The following PDE4D variants were observed in gnomAD, a reference collection of about 807,000 sequenced individuals.
The protein encoded by PDE4D is 3',5'-cyclic-AMP phosphodiesterase 4D.
A neutral mutation model predicts 87.4 loss-of-function variants in PDE4D; 24 were observed. That is an observed-to-expected ratio of 0.27 (90% CI 0.20 to 0.39). PDE4D has a LOEUF of 0.39. PDE4D is among the 10% of genes least tolerant of loss of function. The pLI is 1.00. For synonymous variants in PDE4D, 384 were observed against 383.2 expected (o/e 1.00, Z -0.02); for missense variants, 714 against 1,041.0 (o/e 0.69, Z 4.32).
chr5:60,306,259 C>A (rs1207651251), intron 1 of PDE4D, among the ~76,000 whole-genome samples: 1 of 151,864 alleles, frequency 6.6e-6, no homozygotes, highest in Non-Finnish European at 1.5e-5. Flanking sequence ...ATTGTAATTA[C>A]AAACTATTTT....
rs189682711 is a variant in PDE4D, at chr5:59,945,919, A to G, written c.272+42569T>C. 4.2e-3 allele frequency among the ~76,000 whole-genome samples: 639 copies of G among 152,254 alleles called. 4 individuals are homozygous for G. Among genetic ancestry groups the G allele is most frequent in the Non-Finnish European group, 6.6e-3 (452 of 68,006 alleles). ...ATTTGCTCCTGTTGATTTTAGGGCA[A>G]TTGTGTAGCTCTAACAGCCCCTGAG... On this transcript the variant is annotated intron_variant, in intron 3 of 16. Coordinates refer to the PDE4D transcript ENST00000502484.
chr5:59,181,833 CT>C (rs1212374253), intron 4 of PDE4D, among the ~76,000 whole-genome samples: 1 of 152,130 alleles, frequency 6.6e-6, no homozygotes, highest in East Asian at 1.9e-4. Flanking sequence ...CTATGCTCTG[CT>C]TTGCTGCCTT....
chr5:59,034,276 T>G (rs1188767741), intron 6 of PDE4D, among the ~76,000 whole-genome samples: 1 of 152,190 alleles, frequency 6.6e-6, no homozygotes, highest in African/African-American at 2.4e-5. Context: ...CTTTTGAAAT[T>G]TAAAGTTTGT....
chr5:60,001,137 C>T (rs886720632), intron 2 of PDE4D, among the ~76,000 whole-genome samples: 9 of 152,126 alleles, frequency 5.9e-5, no homozygotes, highest in African/African-American at 1.2e-4. Flanking sequence ...GTTCTCCCTA[C>T]CCATAGACAT....
chr5:59,487,045 T>C (rs999656970), intron 1 of PDE4D, among the ~76,000 whole-genome samples: 3 of 152,154 alleles, frequency 2.0e-5, no homozygotes, highest in Non-Finnish European at 2.9e-5. Flanking sequence ...TAGAAGATAA[T>C]AGGAATCATA....
At chr5:59,907,255 C>T (rs1342001068) in intron 3 of PDE4D, among the ~76,000 whole-genome samples, 1 of 152,108 alleles carries the variant, frequency 6.6e-6, no homozygotes, top group African/African-American at 2.4e-5. Flanking sequence ...ATTTGCATTT[C>T]TCTAATGATC....
intron 3 of PDE4D, among the ~76,000 whole-genome samples, chr5:59,940,703 C>G (rs532132098): frequency 1.3e-5 from 2 of 152,174 alleles, no homozygotes; most frequent in East Asian, 3.9e-4. Context: ...ATACACAGGT[C>G]CGGAGCTCAG....
At chr5:59,430,618 G>C (rs1795970791) in intron 1 of PDE4D, 1 of 369,336 alleles carries the variant, frequency 2.7e-6, no homozygotes, top group African/African-American at 2.1e-5. Context: ...TCTGTTCATG[G>C]ATACAAGAAG....
intron 1 of PDE4D, among the ~76,000 whole-genome samples, chr5:60,204,027 T>C (rs1299259343): frequency 6.6e-6 from 1 of 152,220 alleles, no homozygotes; most frequent in African/African-American, 2.4e-5. Flanking sequence ...CAAAGTTTCA[T>C]TGATTGAATT....
chr5:59,037,753 TAA>T (rs1388236236), intron 6 of PDE4D, among the ~76,000 whole-genome samples: 2 of 151,868 alleles, frequency 1.3e-5, no homozygotes, highest in East Asian at 3.9e-4. Flanking sequence ...TGTTAATAGA[TAA>T]GACAATCAAG....
At chr5:59,516,813 ACCACT>A (rs1288542385) in intron 1 of PDE4D, among the ~76,000 whole-genome samples, 1 of 152,178 alleles carries the variant, frequency 6.6e-6, no homozygotes, top group Non-Finnish European at 1.5e-5. Flanking sequence ...GTATCATGTT[ACCACT>A]AGATTGACAA....
At chr5:59,291,411 C>T (rs1767978062) in intron 1 of PDE4D, among the ~76,000 whole-genome samples, 1 of 151,812 alleles carries the variant, frequency 6.6e-6, no homozygotes, top group African/African-American at 2.4e-5. Context: ...GAGCAGAAGA[C>T]AGTTTCCGGA....
intron 2 of PDE4D, among the ~76,000 whole-genome samples, chr5:60,052,723 C>G (rs1445649360): frequency 6.6e-6 from 1 of 152,150 alleles, no homozygotes; most frequent in African/African-American, 2.4e-5. Flanking sequence ...AAAGGATATT[C>G]AGATAGAAAG....
intron 5 of PDE4D, among the ~76,000 whole-genome samples, chr5:59,094,339 C>T (rs1454661828): frequency 6.8e-6 from 1 of 147,114 alleles, no homozygotes; most frequent in Non-Finnish European, 1.5e-5. Flanking sequence ...GTGAACAAAT[C>T]TTCTAGAAGA....
rs111603401 is a variant in PDE4D, at chr5:60,216,852, T to C, written c.-89-31165A>G. On this transcript the variant is annotated intron_variant, in intron 1 of 16. Coordinates refer to the PDE4D transcript ENST00000502484. ...GTTCTATAATAATAGTTGGATACTT[T>C]AATACTCTGCTTTCATTAATGGATA... Among the ~76,000 whole-genome samples, 228 of 152,196 alleles carry C rather than the reference T, an allele frequency of 1.5e-3. 2 individuals carry two copies. Among genetic ancestry groups the C allele is most frequent in the African/African-American group, 5.2e-3 (218 of 41,570 alleles).
intron 1 of PDE4D, among the ~76,000 whole-genome samples, chr5:59,482,072 C>T (rs188699245): frequency 6.6e-6 from 1 of 152,202 alleles, no homozygotes; most frequent in East Asian, 1.9e-4. Flanking sequence ...CTTTTCAACT[C>T]TCACATTTTA....
chr5:60,120,207 A>G (rs760505500), intron 2 of PDE4D, among the ~76,000 whole-genome samples: 15 of 152,152 alleles, frequency 9.9e-5, no homozygotes, highest in Non-Finnish European at 2.1e-4. Context: ...ATTGCATTAG[A>G]ACAAATTCAT....
intron 2 of PDE4D, among the ~76,000 whole-genome samples, chr5:60,168,593 C>T (rs780768169): frequency 6.8e-4 from 104 of 152,296 alleles, no homozygotes; most frequent in Admixed American, 4.6e-4. Context: ...GTGAATACCA[C>T]GGATGCTCAT....
At chr5:59,024,566 C>T (rs945241765) in intron 6 of PDE4D, among the ~76,000 whole-genome samples, 4 of 152,098 alleles carry the variant, frequency 2.6e-5, no homozygotes, top group African/African-American at 9.7e-5. Context: ...TGTAATGATG[C>T]ATTCTCTTCA....
Sources: allele counts gnomAD v4.1 joint callset (sites outside exome capture counted in the v4.1 genomes callset), GRCh38; gene constraint gnomAD v4.1.1; transcripts MANE v1.5; gene names NCBI Gene and HGNC (gene_info 2026-07-23, HGNC 2026-07-21).